Variants in PPARG observed in about 807,000 individuals in gnomAD.
PPARG encodes peroxisome proliferator activated receptor gamma, also known as peroxisome proliferator-activated receptor gamma.
In PPARG, 17 loss-of-function variants were observed where a neutral mutation model predicts 39.2. The observed-to-expected ratio is 0.43, with a 90% confidence interval of 0.30 to 0.65. The LOEUF (loss-of-function observed/expected upper bound fraction) is 0.65. Among genes scored for constraint, PPARG ranks in the 30% least tolerant of loss-of-function variants. The pLI is 0.13. For synonymous variants in PPARG, 223 were observed against 215.7 expected, an observed-to-expected ratio of 1.03 and a Z score of -0.30; for missense variants, 406 against 585.9, an observed-to-expected ratio of 0.69 and a Z score of 3.17.
chr3:12,355,690 C>T (rs988882167), intron 2 of PPARG, among the ~76,000 whole-genome samples: 1 of 151,976 alleles, frequency 6.6e-6, no homozygotes, highest in Admixed American at 6.6e-5. Flanking sequence ...TAGGAAACAC[C>T]CCAAAGAAGT....
At chr3:12,372,008 G>T in intron 2 of PPARG, 1 of 716,990 alleles carries the variant, frequency 1.4e-6, no homozygotes, top group South Asian at 1.5e-5. Flanking sequence ...TGAGTACCAT[G>T]ACATTAACTG....
intron 6 of PPARG, among the ~76,000 whole-genome samples, chr3:12,415,198 C>T (rs993522988): frequency 1.3e-5 from 2 of 152,178 alleles, no homozygotes; most frequent in Non-Finnish European, 2.9e-5. Flanking sequence ...CACACTCACA[C>T]CTCTCCACAC....
intron 2 of PPARG, among the ~76,000 whole-genome samples, chr3:12,319,122 T>C (rs1215520982): frequency 2.6e-5 from 4 of 152,210 alleles, no homozygotes; most frequent in Admixed American, 1.3e-4. Flanking sequence ...ACAAGCCACA[T>C]GGCTTTCCTC....
intron 7 of PPARG, among the ~76,000 whole-genome samples, chr3:12,420,498 T>G (rs2051224252): frequency 6.6e-6 from 1 of 152,262 alleles, no homozygotes; most frequent in Non-Finnish European, 1.5e-5. Flanking sequence ...GAAGTGCTTT[T>G]GTTGGGGATC....
chr3:12,367,584 C>A (rs187544915), intron 2 of PPARG, among the ~76,000 whole-genome samples: 2 of 151,832 alleles, frequency 1.3e-5, no homozygotes, highest in East Asian at 3.9e-4. Context: ...CATAGTGACT[C>A]ATGCCTGTAA....
intron 1 of PPARG, among the ~76,000 whole-genome samples, chr3:12,310,335 A>C (rs2047191955): frequency 6.6e-6 from 1 of 152,192 alleles, no homozygotes; most frequent in Non-Finnish European, 1.5e-5. Context: ...AATTGGCACA[A>C]GTATCAAGGA....
chr3:12,330,381 A>G (rs1009232102), intron 2 of PPARG, among the ~76,000 whole-genome samples: 2 of 149,848 alleles, frequency 1.3e-5, no homozygotes, highest in African/African-American at 4.9e-5. Flanking sequence ...CATTTTCCTA[A>G]TGGCTGCTGA....
At chr3:12,381,958 A>G (rs368993923) in intron 4 of PPARG, among the ~76,000 whole-genome samples, 1 of 152,022 alleles carries the variant, frequency 6.6e-6, no homozygotes, top group Non-Finnish European at 1.5e-5. Context: ...ATACCGTGTA[A>G]TATTGTATAG....
chr3:12,398,860 T>A (rs2125233401), intron 5 of PPARG, among the ~76,000 whole-genome samples: 1 of 152,332 alleles, frequency 6.6e-6, no homozygotes, highest in Admixed American at 6.5e-5. Context: ...AGCGCAAAGC[T>A]AGACTGCAGT....
intron 1 of PPARG, among the ~76,000 whole-genome samples, chr3:12,311,189 G>A (rs11715016): frequency 1.3e-5 from 2 of 151,836 alleles, no homozygotes. Flanking sequence ...CTGCAGCCTT[G>A]AACTCTGGGA....
Position 12,428,544 on chromosome 3 carries a change from G to A in PPARG, c.1181-5354G>A, listed in dbSNP as rs4135359. Among the ~76,000 whole-genome samples, 492 of 152,376 alleles carry A rather than the reference G, an allele frequency of 3.2e-3. 5 individuals are homozygous for A. Among genetic ancestry groups the A allele is most frequent in the African/African-American group, 0.011 (476 of 41,592 alleles). ...GCAACAGTGCCTTTTCAGGCACTAG[G>A]CTGTTGGGAATGGAGAGAGAAGAGA... On this transcript the variant is annotated intron_variant, in intron 7 of 7. Transcript: ENST00000651735.
intron 1 of PPARG, among the ~76,000 whole-genome samples, chr3:12,294,351 A>C (rs1034137706): frequency 6.6e-6 from 1 of 152,244 alleles, no homozygotes; most frequent in African/African-American, 2.4e-5. Context: ...ATGTAATCAC[A>C]GTTCAAGTTA....
At chr3:12,347,271 G>A (rs1394215196) in intron 2 of PPARG, among the ~76,000 whole-genome samples, 3 of 151,798 alleles carry the variant, frequency 2.0e-5, no homozygotes, top group Non-Finnish European at 1.5e-5. Context: ...GGTCACTTGA[G>A]CCCAGGAGTT....
Position 12,434,304 on chromosome 3 carries a change from T to A in PPARG, c.*159T>A. ...TGCATATTGTTTATAAAGACACATT[T>A]ACAATTTACTTTTAATATTAAAAAT... is the stretch of plus-strand genomic sequence containing the variant. On this transcript the variant is annotated 3_prime_UTR_variant, in exon 8 of 8. Coordinates refer to ENST00000651735, the MANE Select transcript of PPARG (RefSeq NM_138711.6). The surrounding 1 kb of genome is among the most constrained non-coding windows in gnomAD (Gnocchi z 4.2). 1 of 936,590 alleles carries A rather than the reference T, an allele frequency of 1.1e-6. No homozygotes were observed. Among genetic ancestry groups the A allele is most frequent in the Non-Finnish European group, 1.6e-6 (1 of 622,788 alleles). 58.0% of individuals were successfully genotyped at this position (936,590 alleles called of 1,614,324 possible).
At chr3:12,297,623 A>G (rs1451036561) in intron 1 of PPARG, among the ~76,000 whole-genome samples, 1 of 152,042 alleles carries the variant, frequency 6.6e-6, no homozygotes, top group Admixed American at 6.6e-5. Flanking sequence ...CCTAGTCTCT[A>G]TTTGGCATGG....
intron 2 of PPARG, chr3:12,351,417 A>G (rs2048482614): frequency 3.1e-6 from 2 of 649,984 alleles, no homozygotes. Flanking sequence ...ATTCAAGCCC[A>G]GTCCTTTCTG....
At chr3:12,386,785 A>T (rs1177299823) in intron 4 of PPARG, among the ~76,000 whole-genome samples, 1 of 152,118 alleles carries the variant, frequency 6.6e-6, no homozygotes, top group African/African-American at 2.4e-5. Context: ...TTTGTTACAT[A>T]GTTACACATG....
rs114844174 is a variant in PPARG, at chr3:12,349,552, A to C, written c.-8-30152A>C. On this transcript the variant is annotated intron_variant, in intron 2 of 7. Transcript: ENST00000651735. ...ATGTGGCAGGCCCTGTGTTTATTAA[A>C]ATTGTAGTTTTTGCTAATTGACTGT... Among the ~76,000 whole-genome samples the C allele has an allele frequency of 1.5e-3, 229 of 152,304 alleles. 1 individual carries two copies. The highest frequency in any genetic ancestry group is 5.3e-3 in the African/African-American group (220 of 41,564).
At chr3:12,380,815 A>C (rs1420617809) in intron 3 of PPARG, among the ~76,000 whole-genome samples, 1 of 152,180 alleles carries the variant, frequency 6.6e-6, no homozygotes, top group East Asian at 1.9e-4. Context: ...TTGACTGAAC[A>C]CTAATGGTAA....
Sources: allele counts gnomAD v4.1 joint callset (sites outside exome capture counted in the v4.1 genomes callset), GRCh38; gene constraint gnomAD v4.1.1; non-coding constraint Gnocchi (gnomAD v3.1); transcripts MANE v1.5; gene names NCBI Gene and HGNC (gene_info 2026-07-23, HGNC 2026-07-21).